Variants in NRBF2 observed in about 807,000 individuals in gnomAD.
NRBF2 encodes nuclear receptor-binding factor 2.
NRBF2 carries 12 observed loss-of-function variants against 28.5 expected under a neutral mutation model. The observed-to-expected ratio is 0.42, with a 90% CI of 0.27 to 0.68. The LOEUF is 0.68. Ranked by LOEUF, NRBF2 falls within the 30% of genes least tolerant of loss-of-function variation. The pLI is 0.24. For synonymous variants in NRBF2, 102 were observed against 116.5 expected (o/e 0.88, Z 0.80); for missense variants, 274 against 333.5 (o/e 0.82, Z 1.39).
At chr10:63,137,913 T>C (rs898484565) in intron 1 of NRBF2, among the ~76,000 whole-genome samples, 7 of 152,080 alleles carry the variant, frequency 4.6e-5, no homozygotes, top group African/African-American at 1.7e-4. Flanking sequence ...AGTGGTAGGA[T>C]TGGCATCGGG....
rs923407648 is a variant in NRBF2, at chr10:63,154,592, C to G, written c.*374C>G. ...ATCTATAATGCCATAAATGATAATG[C>G]AAAACCTAAATAATATGGTGGCCGG... On this transcript the variant is annotated 3_prime_UTR_variant, in exon 4 of 4. Transcript: ENST00000277746. 1 of 166,314 alleles carries G rather than the reference C, an allele frequency of 6.0e-6. No individual in the cohort carries two copies. Among genetic ancestry groups the G allele is most frequent in the African/African-American group, 2.4e-5 (1 of 41,748 alleles). 10.3% of individuals were successfully genotyped at this position (166,314 alleles called of 1,614,324 possible). A position where few individuals can be genotyped will look rare whatever the true frequency, so the allele number is the denominator to read the frequency against.
At chr10:63,138,685 A>G (rs2132678082) in intron 1 of NRBF2, among the ~76,000 whole-genome samples, 1 of 149,120 alleles carries the variant, frequency 6.7e-6, no homozygotes, top group East Asian at 2.0e-4. Flanking sequence ...CAGAGCTTGC[A>G]GTGAGCCAAG....
At chr10:63,138,204 T>A (rs1387472900) in intron 1 of NRBF2, among the ~76,000 whole-genome samples, 4 of 151,890 alleles carry the variant, frequency 2.6e-5, no homozygotes, top group African/African-American at 9.7e-5. Context: ...TCCCAGCTAC[T>A]TGGGAGGCTG....
intron 1 of NRBF2, 70 bp downstream of exon 1, chr10:63,133,570 C>T: frequency 8.3e-7 from 1 of 1,204,308 alleles, no homozygotes; most frequent in Non-Finnish European, 1.2e-6. Flanking sequence ...CCGTCCCCGG[C>T]GCGTCGGCTA....
intron 2 of NRBF2, among the ~76,000 whole-genome samples, chr10:63,151,342 C>G (rs1246141565): frequency 6.6e-6 from 1 of 151,894 alleles, no homozygotes; most frequent in African/African-American, 2.4e-5. Flanking sequence ...ACCTTGTTCC[C>G]GAAAGGTTAT....
chr10:63,140,819 G>C (rs1841453039), intron 1 of NRBF2, among the ~76,000 whole-genome samples: 1 of 151,878 alleles, frequency 6.6e-6, no homozygotes. Flanking sequence ...TCCTGCCTCA[G>C]CCTCCCGAGT....
chr10:63,134,846 A>G (rs1782127016), intron 1 of NRBF2, among the ~76,000 whole-genome samples: 1 of 152,202 alleles, frequency 6.6e-6, no homozygotes, highest in Non-Finnish European at 1.5e-5. Context: ...CCCAGGTGGT[A>G]GGTATTTACA....
intron 1 of NRBF2, among the ~76,000 whole-genome samples, chr10:63,142,751 C>A (rs1335798249): frequency 7.1e-6 from 1 of 140,282 alleles, no homozygotes; most frequent in Non-Finnish European, 1.5e-5. Flanking sequence ...TATTTTAAGC[C>A]CCCAGTCATT....
chr10:63,135,554 T>C (rs937177914), intron 1 of NRBF2, among the ~76,000 whole-genome samples: 6 of 152,216 alleles, frequency 3.9e-5, no homozygotes, highest in African/African-American at 1.4e-4. Context: ...CGGAGCGAGT[T>C]TCGACAGAGT....
chr10:63,151,550 A>G (rs1841649861), intron 2 of NRBF2, among the ~76,000 whole-genome samples: 1 of 152,230 alleles, frequency 6.6e-6, no homozygotes, highest in Non-Finnish European at 1.5e-5. Flanking sequence ...TAATTTTTAC[A>G]TTGGCTATTA....
intron 1 of NRBF2, among the ~76,000 whole-genome samples, chr10:63,135,545 G>T (rs1293677996): frequency 5.9e-5 from 9 of 152,120 alleles, no homozygotes; most frequent in Non-Finnish European, 1.5e-5. Flanking sequence ...TCCATAAAAC[G>T]GAGCGAGTTT....
At chr10:63,144,317 C>A (rs117475901) in intron 1 of NRBF2, among the ~76,000 whole-genome samples, 1 of 151,802 alleles carries the variant, frequency 6.6e-6, no homozygotes, top group African/African-American at 2.4e-5. Context: ...CCCAATAAGT[C>A]GATTTGTATA....
In NRBF2 at chr10:63,154,071, C is replaced by G; in HGVS notation, c.717C>G (p.Ala239=). The G allele has an allele frequency of 6.2e-7, 1 of 1,613,644 alleles. No individual in the cohort carries two copies. The highest frequency in any genetic ancestry group is 8.5e-7 in the Non-Finnish European group (1 of 1,179,862). Reference sequence around the variant, plus strand: ...CACCACATGCAGAAACTGCTACAGCCTCCTCAACCTGGCAGAAGTTCGCAG... The same window carrying G: ...CACCACATGCAGAAACTGCTACAGCGTCCTCAACCTGGCAGAAGTTCGCAG... ...SLPPHAETAT[A]SSTWQKFAAN... Residue 239 remains alanine (A), a synonymous_variant, in exon 4 of 4, where the codon GCC becomes GCG. Coordinates refer to ENST00000277746, the MANE Select transcript of NRBF2 (RefSeq NM_030759.5).
chr10:63,145,958 A>ATT (rs1253074360), intron 1 of NRBF2, among the ~76,000 whole-genome samples: 3 of 152,200 alleles, frequency 2.0e-5, no homozygotes, highest in Admixed American at 6.5e-5. Context: ...GAGTCACTGA[A>ATT]GGAGTTAAGT....
At chr10:63,145,303 T>G (rs1309055509) in intron 1 of NRBF2, among the ~76,000 whole-genome samples, 1 of 152,056 alleles carries the variant, frequency 6.6e-6, no homozygotes, top group Non-Finnish European at 1.5e-5. Context: ...CTCGATCTCC[T>G]GACCTCATGA....
chr10:63,137,501 A>G (rs747836894), intron 1 of NRBF2, among the ~76,000 whole-genome samples: 62 of 152,204 alleles, frequency 4.1e-4, no homozygotes, highest in Non-Finnish European at 7.9e-4. Flanking sequence ...TGCAAAGGGC[A>G]GGGTCCATGT....
intron 3 of NRBF2, among the ~76,000 whole-genome samples, chr10:63,152,592 C>T (rs1178868976): frequency 6.6e-6 from 1 of 152,230 alleles, no homozygotes; most frequent in East Asian, 1.9e-4. Flanking sequence ...CAGTCTCCCA[C>T]TTGTCTTTGC....
At chr10:63,145,216 T>G (rs962041605) in intron 1 of NRBF2, among the ~76,000 whole-genome samples, 5 of 148,852 alleles carry the variant, frequency 3.4e-5, no homozygotes, top group Non-Finnish European at 7.4e-5. Flanking sequence ...CAAGCAGTTC[T>G]CCTGCCTCAG....
At chr10:63,142,776 C>CTT (rs1202067005) in intron 1 of NRBF2, among the ~76,000 whole-genome samples, 13 of 26,484 alleles carry the variant, frequency 4.9e-4, no homozygotes, top group South Asian at 1.6e-3. Context: ...TTCTTTCTTT[C>CTT]TTTCTTTTTT....
Sources: allele counts gnomAD v4.1 joint callset (sites outside exome capture counted in the v4.1 genomes callset), GRCh38; gene constraint gnomAD v4.1.1; transcripts MANE v1.5; gene names NCBI Gene and HGNC (gene_info 2026-07-23, HGNC 2026-07-21).